Variants in GALNT16 observed in about 807,000 individuals in gnomAD.
The protein encoded by GALNT16 is UDP-GalNAc:polypeptide N-acetylgalactosaminyltransferase-like protein 1.
Under a neutral mutation model 76.1 loss-of-function variants are expected in GALNT16, and 40 were observed. The ratio of observed to expected loss-of-function variants is 0.53; its 90% confidence interval spans 0.41 to 0.68. The LOEUF is 0.68. Among genes scored for constraint, GALNT16 ranks in the 30% least tolerant of loss-of-function variants. GALNT16 has a pLI of 0.00. For synonymous variants in GALNT16, 276 were observed against 285.2 expected (o/e 0.97, Z 0.32); for missense variants, 621 against 731.9 (o/e 0.85, Z 1.75).
At chr14:69,371,262 A>T in the GALNT16 span, among the ~76,000 whole-genome samples, 4 of 150,410 alleles carry the variant, frequency 2.7e-5, no homozygotes, top group Non-Finnish European at 5.9e-5. Context: ...TAATTTTTTT[A>T]TTTTTTTTTG....
intron 1 of GALNT16, among the ~76,000 whole-genome samples, chr14:69,319,656 A>G (rs972544375): frequency 6.6e-6 from 1 of 152,158 alleles, no homozygotes; most frequent in Non-Finnish European, 1.5e-5. Context: ...GTCCTTCCCC[A>G]GTGTCTGTTG....
chr14:69,300,006 G>A (rs966577166), intron 1 of GALNT16, among the ~76,000 whole-genome samples: 3 of 152,242 alleles, frequency 2.0e-5, no homozygotes, highest in Non-Finnish European at 2.9e-5. Flanking sequence ...CAGAGAGCCA[G>A]GCCTCTCTTC....
intron 1 of GALNT16, among the ~76,000 whole-genome samples, chr14:69,281,037 C>G (rs1431123398): frequency 6.6e-6 from 1 of 152,036 alleles, no homozygotes; most frequent in Non-Finnish European, 1.5e-5. Context: ...ACCCCCGAGA[C>G]CAGGGCAGCA....
chr14:69,293,409 C>T (rs2044712522), intron 1 of GALNT16, among the ~76,000 whole-genome samples: 1 of 152,234 alleles, frequency 6.6e-6, no homozygotes, highest in African/African-American at 2.4e-5. Flanking sequence ...TCTCCCCAAA[C>T]ACTTCAAAAT....
intron 9 of GALNT16, among the ~76,000 whole-genome samples, chr14:69,335,627 A>C (rs1184877661): frequency 6.6e-6 from 1 of 152,214 alleles, no homozygotes; most frequent in Non-Finnish European, 1.5e-5. Flanking sequence ...AGAACTTGAA[A>C]GGTGAACCAC....
At chr14:69,308,382 CTGTAGAGCGGTTTCCTG>C (rs2140147811) in intron 1 of GALNT16, among the ~76,000 whole-genome samples, 1 of 152,298 alleles carries the variant, frequency 6.6e-6, no homozygotes, top group African/African-American at 2.4e-5. Context: ...GAGGTGACCC[CTGTAGAGCGGTTTCCTG>C]TGTATTCTTT....
chr14:69,385,068 C>T, the GALNT16 span, among the ~76,000 whole-genome samples: 1 of 152,228 alleles, frequency 6.6e-6, no homozygotes, highest in East Asian at 1.9e-4. Flanking sequence ...AACTGATCTA[C>T]CTCTGTTTCC....
Position 69,347,108 on chromosome 14 carries a change from A to G in GALNT16, c.1340A>G (p.Gln447Arg), listed in dbSNP as rs2045575344. Reference protein sequence around the residue: ...QGVNCLESQGQNTAGDFLLGM... With the variant: ...QGVNCLESQGRNTAGDFLLGM... The stretch of plus-strand genomic sequence containing the variant: ...GTGAACTGCTTAGAATCTCAGGGCC[A>G]GAACACAGCTGGTGACTTCCTGCTT... Residue 447 changes from glutamine to arginine, a missense_variant, in exon 13 of 15, where the codon CAG becomes CGG. Physicochemically the swap from Gln to Arg is conservative, Grantham distance 43. Coordinates refer to ENST00000448469, the MANE Select transcript of GALNT16 (RefSeq NM_001168368.2). 3 of 1,614,018 alleles carry G rather than the reference A, an allele frequency of 1.9e-6. No homozygotes were observed. Among genetic ancestry groups the G allele is most frequent in the African/African-American group, 1.3e-5 (1 of 75,044 alleles).
intron 5 of GALNT16, among the ~76,000 whole-genome samples, chr14:69,327,832 A>G (rs542132321): frequency 6.6e-6 from 1 of 152,326 alleles, no homozygotes; most frequent in East Asian, 1.9e-4. Flanking sequence ...TGGTGAGGCT[A>G]TCGGGGGACA....
the GALNT16 span, among the ~76,000 whole-genome samples, chr14:69,382,532 T>G: frequency 6.6e-6 from 1 of 152,074 alleles, no homozygotes; most frequent in Non-Finnish European, 1.5e-5. Flanking sequence ...CATGCAATTT[T>G]CCAACTCATC....
At chr14:69,301,553 C>T (rs927838707) in intron 1 of GALNT16, among the ~76,000 whole-genome samples, 7 of 152,074 alleles carry the variant, frequency 4.6e-5, no homozygotes, top group Non-Finnish European at 8.8e-5. Flanking sequence ...AGGCTTTCAC[C>T]ATGTTGGCCA....
the GALNT16 span, among the ~76,000 whole-genome samples, chr14:69,377,135 G>A: frequency 6.6e-6 from 1 of 152,166 alleles, no homozygotes; most frequent in Non-Finnish European, 1.5e-5. Context: ...TGATTAAATT[G>A]GTGCCAAGTA....
the GALNT16 span, among the ~76,000 whole-genome samples, chr14:69,366,873 G>A: frequency 1.3e-5 from 2 of 152,184 alleles, no homozygotes; most frequent in East Asian, 1.9e-4. Flanking sequence ...ATGATTGAGG[G>A]AAGTAGACAA....
At chr14:69,320,904 C>G in intron 2 of GALNT16, 36 bp downstream of exon 2, 1 of 1,594,728 alleles carries the variant, frequency 6.3e-7, no homozygotes, top group Non-Finnish European at 8.6e-7. Context: ...GGAAGAAAGA[C>G]TGAGAGAAAG....
At chr14:69,291,539 C>T (rs1052577856) in intron 1 of GALNT16, among the ~76,000 whole-genome samples, 1 of 152,200 alleles carries the variant, frequency 6.6e-6, no homozygotes, top group African/African-American at 2.4e-5. Flanking sequence ...GGGAAAGGCA[C>T]CTTCTTCCAC....
intron 9 of GALNT16, among the ~76,000 whole-genome samples, chr14:69,338,200 A>G (rs1442673194): frequency 3.3e-5 from 5 of 152,308 alleles, no homozygotes; most frequent in Non-Finnish European, 4.4e-5. Context: ...GGCCAGCCCA[A>G]GAGGTGCCAG....
intron 12 of GALNT16, among the ~76,000 whole-genome samples, chr14:69,345,703 A>AGT (rs55871607): frequency 0.046 from 6,267 of 135,044 alleles, 223 homozygotes; most frequent in African/African-American, 0.089. Flanking sequence ...ATAAGGTGTC[A>AGT]GTGTGTGTGT....
At chr14:69,296,980 A>G (rs983340149) in intron 1 of GALNT16, among the ~76,000 whole-genome samples, 1 of 152,174 alleles carries the variant, frequency 6.6e-6, no homozygotes, top group African/African-American at 2.4e-5. Flanking sequence ...TTTTATTTAC[A>G]TTTTTACAGC....
At position 69,298,369 on chromosome 14, in the gene GALNT16, G is replaced by C. The variant is rs372250295; in HGVS notation, c.178-22342G>C. ...GTAGATAGGGAGTGGAGTGGGTAAG[G>C]AGGTGTTGCTGGAGAAGTGGCCTAT... On this transcript the variant is annotated intron_variant, in intron 1 of 14. Coordinates refer to ENST00000448469, the MANE Select transcript of GALNT16 (RefSeq NM_001168368.2). 3.0e-4 allele frequency among the ~76,000 whole-genome samples: 46 copies of C among 152,374 alleles called. No homozygotes were observed. The South Asian group carries it at 9.5e-3, about 32-fold the overall frequency.
Sources: gnomAD v4.1 joint callset for allele counts (sites outside exome capture counted in the v4.1 genomes callset) on GRCh38, gnomAD v4.1.1 for gene constraint, MANE v1.5 for transcripts, NCBI Gene and HGNC (gene_info 2026-07-23, HGNC 2026-07-21) for gene names.